The following NEURL1 variants were observed in gnomAD, a reference collection of about 807,000 sequenced individuals.
The protein encoded by NEURL1 is E3 ubiquitin-protein ligase NEURL1.
A neutral mutation model predicts 41.2 loss-of-function variants in NEURL1; 26 were observed. The ratio of observed to expected loss-of-function variants is 0.63; its 90% CI spans 0.46 to 0.87. The LOEUF is 0.87. NEURL1 is among the 40% of genes least tolerant of loss of function. NEURL1 has a pLI of 0.00. For synonymous variants in NEURL1, 400 were observed against 402.3 expected, an observed-to-expected ratio of 0.99 and a Z score of 0.07; for missense variants, 761 against 871.1, an observed-to-expected ratio of 0.87 and a Z score of 1.59.
At chr10:103,568,499 A>C (rs918344056) in intron 1 of NEURL1, among the ~76,000 whole-genome samples, 6 of 152,188 alleles carry the variant, frequency 3.9e-5, no homozygotes, top group African/African-American at 9.7e-5. Context: ...ACCCCAAAGG[A>C]AAGGCTGTCA....
intron 1 of NEURL1, among the ~76,000 whole-genome samples, chr10:103,517,737 G>A (rs1277858209): frequency 1.3e-5 from 2 of 152,228 alleles, no homozygotes; most frequent in Non-Finnish European, 2.9e-5. Context: ...AGCTCTTTGA[G>A]TGCTGGGTGA....
chr10:103,527,706 C>T (rs2034489736), intron 1 of NEURL1, among the ~76,000 whole-genome samples: 1 of 152,296 alleles, frequency 6.6e-6, no homozygotes, highest in African/African-American at 2.4e-5. Context: ...CAGCATATCT[C>T]AGTCTCATTT....
intron 3 of NEURL1, among the ~76,000 whole-genome samples, chr10:103,580,972 C>G (rs1393128198): frequency 1.3e-5 from 2 of 152,190 alleles, no homozygotes; most frequent in African/African-American, 4.8e-5. Context: ...GGGTACCCAT[C>G]ATGACTGATG....
chr10:103,557,819 T>C (rs1185613035), intron 1 of NEURL1, among the ~76,000 whole-genome samples: 1 of 152,256 alleles, frequency 6.6e-6, no homozygotes, highest in Non-Finnish European at 1.5e-5. Context: ...AGGGGTGCCG[T>C]AGCCTGTAGC....
intron 3 of NEURL1, among the ~76,000 whole-genome samples, chr10:103,582,138 C>G (rs771020354): frequency 2.0e-5 from 3 of 152,088 alleles, no homozygotes; most frequent in Non-Finnish European, 4.4e-5. Flanking sequence ...CCTGGAGGCT[C>G]TGGCTGGACA....
chr10:103,580,198 C>T (rs551516309), intron 3 of NEURL1, among the ~76,000 whole-genome samples: 11 of 152,208 alleles, frequency 7.2e-5, no homozygotes, highest in East Asian at 1.9e-4. Flanking sequence ...GAGCCACTGC[C>T]GGGCACCAGA....
chr10:103,584,720 C>T lies in NEURL1; in HGVS notation c.834C>T (p.Leu278=), dbSNP rs1347927818. ...GCTGCCCCATCCCGCAGAACTCACT[C>T]AACTCGCAGCACAGCCGCGCGCTGC... ...AAGCPIPQNS[L]NSQHSRALPA... Residue 278 remains leucine (L), a synonymous_variant, in exon 4 of 6, where the codon CTC becomes CTT. Transcript: ENST00000369780. 3 of 1,468,352 alleles carry T rather than the reference C, an allele frequency of 2.0e-6. No homozygotes were observed. The highest frequency in any genetic ancestry group is 2.9e-5 in the African/African-American group (2 of 68,162). The allele number at this position is 1,468,352 out of a possible 1,614,324, so 91.0% of individuals were successfully genotyped here.
chr10:103,581,968 T>C (rs1304955208), intron 3 of NEURL1, among the ~76,000 whole-genome samples: 2 of 152,096 alleles, frequency 1.3e-5, no homozygotes, highest in African/African-American at 4.8e-5. Context: ...CACCTGGTAG[T>C]GTGCATGTTT....
Position 103,536,078 on chromosome 10 carries a change from G to A in NEURL1, c.86-34794G>A, listed in dbSNP as rs189374098. On this transcript the variant is annotated intron_variant, in intron 1 of 5. Coordinates refer to ENST00000369780, the MANE Select transcript of NEURL1 (RefSeq NM_004210.5). ...GGTGAGGTCTGTAGGTGGCCAAGGTGTTGATGGGGGTTGCTTGCACCCTCT... is the reference window on the plus strand; with the variant it reads ...GGTGAGGTCTGTAGGTGGCCAAGGTATTGATGGGGGTTGCTTGCACCCTCT... Among the ~76,000 whole-genome samples, 196 of 152,242 alleles carry A rather than the reference G, an allele frequency of 1.3e-3. 1 individual carries two copies. Among genetic ancestry groups the A allele is most frequent in the African/African-American group, 3.3e-3 (139 of 41,542 alleles).
At chr10:103,541,455 G>T (rs1441509293) in intron 1 of NEURL1, among the ~76,000 whole-genome samples, 4 of 152,194 alleles carry the variant, frequency 2.6e-5, no homozygotes, top group African/African-American at 9.7e-5. Flanking sequence ...AGTTCTGCAA[G>T]ACCTTGGAGT....
At chr10:103,561,743 A>G (rs927216693) in intron 1 of NEURL1, among the ~76,000 whole-genome samples, 8 of 152,190 alleles carry the variant, frequency 5.3e-5, no homozygotes, top group Non-Finnish European at 1.0e-4. Flanking sequence ...CAGGTTGTGT[A>G]TGAAGGGCAA....
At position 103,545,713 on chromosome 10, in the gene NEURL1, C is replaced by T. The variant is rs1261832004; in HGVS notation, c.86-25159C>T. Among the ~76,000 whole-genome samples, 1 of 152,218 alleles carries T rather than the reference C, an allele frequency of 6.6e-6. No homozygotes were observed. The highest frequency in any genetic ancestry group is 1.5e-5 in the Non-Finnish European group (1 of 68,036). Reference sequence around the variant, plus strand: ...TTCCTATTTTTTGAGCCAAGCCAAGCCCTCTGCTCCTGCAAGGGACTGCCA... The same window carrying T: ...TTCCTATTTTTTGAGCCAAGCCAAGTCCTCTGCTCCTGCAAGGGACTGCCA... On this transcript the variant is annotated intron_variant, in intron 1 of 5. Transcript: ENST00000369780. This position sits in a 1 kb window ranked among gnomAD's most constrained non-coding sequence, Gnocchi z 4.5.
chr10:103,560,091 G>C (rs1330048117), intron 1 of NEURL1, among the ~76,000 whole-genome samples: 1 of 151,966 alleles, frequency 6.6e-6, no homozygotes, highest in African/African-American at 2.4e-5. Context: ...ACACTCACCT[G>C]CTGCCTCTGT....
chr10:103,525,361 T>C (rs1430275138), intron 1 of NEURL1, among the ~76,000 whole-genome samples: 2 of 150,618 alleles, frequency 1.3e-5, no homozygotes, highest in Non-Finnish European at 3.0e-5. Context: ...CTTTTTTCTT[T>C]TTTTTTTTTT....
chr10:103,582,153 T>G (rs919445172), intron 3 of NEURL1, among the ~76,000 whole-genome samples: 7 of 152,124 alleles, frequency 4.6e-5, no homozygotes, highest in Non-Finnish European at 8.8e-5. Flanking sequence ...TGGACATCTC[T>G]GAGCGACCTG....
intron 1 of NEURL1, among the ~76,000 whole-genome samples, chr10:103,503,612 C>T (rs1215808828): frequency 6.6e-6 from 1 of 152,116 alleles, no homozygotes; most frequent in African/African-American, 2.4e-5. Context: ...GTGGGCTAGA[C>T]ACCTTCCTGG....
intron 1 of NEURL1, among the ~76,000 whole-genome samples, chr10:103,567,247 G>T (rs1030816672): frequency 6.6e-6 from 1 of 151,974 alleles, no homozygotes; most frequent in Non-Finnish European, 1.5e-5. Context: ...GCCTCCCAAA[G>T]TGCTGAGATT....
chr10:103,585,336 A>G lies in NEURL1; in HGVS notation c.1339+111A>G, dbSNP rs1442856844. 3 of 1,004,236 alleles carry G rather than the reference A, an allele frequency of 3.0e-6. No homozygotes were observed. The South Asian group carries it at 5.4e-5, about 18-fold the overall frequency. The allele number at this position is 1,004,236 out of a possible 1,614,324, so 62.2% of individuals were successfully genotyped here. A position where few individuals can be genotyped will look rare whatever the true frequency, so the allele number is the denominator to read the frequency against. On this transcript the variant is annotated intron_variant, in intron 4 of 5. Coordinates refer to ENST00000369780, the MANE Select transcript of NEURL1 (RefSeq NM_004210.5). The stretch of plus-strand genomic sequence containing the variant: ...CCTCCAGGCTCATGATGGTGTTGCT[A>G]AGGAATCACAGACACCTAAGGTGAG...
rs2033611213 is a variant in NEURL1 at position 103,493,805 on chromosome 10, C to T, written c.-583C>T. On this transcript the variant is annotated 5_prime_UTR_variant, in exon 1 of 6. Coordinates refer to ENST00000369780, the MANE Select transcript of NEURL1 (RefSeq NM_004210.5). ...GCGGGGGCGGCGGTCGCAGGAGGGA[C>T]CCGGCGCGGGCGGGACCGCGGCGGT... 1.3e-5 allele frequency among the ~76,000 whole-genome samples: 2 copies of T among 151,866 alleles called. No homozygotes were observed. The highest frequency in any genetic ancestry group is 2.4e-5 in the African/African-American group (1 of 41,388).
Sources: gnomAD v4.1 joint callset for allele counts (sites outside exome capture counted in the v4.1 genomes callset) on GRCh38, gnomAD v4.1.1 for gene constraint, Gnocchi (gnomAD v3.1) non-coding constraint, MANE v1.5 for transcripts, NCBI Gene and HGNC (gene_info 2026-07-23, HGNC 2026-07-21) for gene names.